KCNH5: variants seen among roughly 807,000 people sequenced by gnomAD.
KCNH5 encodes the protein voltage-gated delayed rectifier potassium channel KCNH5.
A neutral mutation model predicts 96.1 loss-of-function variants in KCNH5; 46 were observed. The ratio of observed to expected loss-of-function variants is 0.48; its 90% CI spans 0.38 to 0.61. The LOEUF is 0.61. Among genes scored for constraint, KCNH5 ranks in the 20% least tolerant of loss-of-function variants. KCNH5 has a pLI of 0.00. For synonymous variants in KCNH5, 439 were observed against 449.8 expected (o/e 0.98, Z 0.30); for missense variants, 907 against 1,225.8 (o/e 0.74, Z 3.88).
At chr14:62,743,160 G>A (rs921873367) in intron 10 of KCNH5, among the ~76,000 whole-genome samples, 3 of 152,166 alleles carry the variant, frequency 2.0e-5, no homozygotes, top group Non-Finnish European at 4.4e-5. Flanking sequence ...AAAGATACAT[G>A]TATAAAGCGA....
intron 8 of KCNH5, among the ~76,000 whole-genome samples, chr14:62,806,887 G>A (rs934091119): frequency 6.6e-6 from 1 of 152,122 alleles, no homozygotes; most frequent in South Asian, 2.1e-4. Context: ...TTTGCTGATG[G>A]CTGTGGGTGA....
Position 62,918,826 on chromosome 14 carries a change from C to T in KCNH5, c.1369+31307G>A, listed in dbSNP as rs183591774. ...CACTATATATCCAATAAAAAAAATGCGTAACCTTTGTGCCAAAAATCTTCT... is the reference window on the plus strand; with the variant it reads ...CACTATATATCCAATAAAAAAAATGTGTAACCTTTGTGCCAAAAATCTTCT... On this transcript the variant is annotated intron_variant, in intron 7 of 10. Transcript: ENST00000322893. Among the ~76,000 whole-genome samples the T allele has an allele frequency of 3.9e-3, 589 of 152,124 alleles. 2 individuals are homozygous for T. Among genetic ancestry groups the T allele is most frequent in the Non-Finnish European group, 6.7e-3 (453 of 67,940 alleles).
chr14:62,945,694 G>A (rs145326776), intron 7 of KCNH5, among the ~76,000 whole-genome samples: 41 of 152,164 alleles, frequency 2.7e-4, no homozygotes, highest in African/African-American at 9.9e-4. Context: ...TAGTAGGGTA[G>A]CACTGGAAGG....
At chr14:62,995,380 T>TA (rs1890888052) in intron 4 of KCNH5, among the ~76,000 whole-genome samples, 1 of 152,098 alleles carries the variant, frequency 6.6e-6, no homozygotes, top group Non-Finnish European at 1.5e-5. Context: ...GCAGAATTTT[T>TA]ATCAATGAAG....
intron 7 of KCNH5, among the ~76,000 whole-genome samples, chr14:62,907,206 G>A (rs565752425): frequency 6.6e-6 from 1 of 152,232 alleles, no homozygotes; most frequent in South Asian, 2.1e-4. Context: ...GAATCTCAGA[G>A]AAACTAGACA....
chr14:62,898,709 A>T (rs1190243134), intron 7 of KCNH5, among the ~76,000 whole-genome samples: 1 of 152,176 alleles, frequency 6.6e-6, no homozygotes, highest in African/African-American at 2.4e-5. Context: ...TAGCAGACAA[A>T]ATGTTCCTTA....
chr14:62,773,595 A>T (rs1251777635), intron 10 of KCNH5, among the ~76,000 whole-genome samples: 1 of 152,334 alleles, frequency 6.6e-6, no homozygotes, highest in East Asian at 1.9e-4. Context: ...CACTTCAACA[A>T]AGTGTCTCAT....
rs561363388 is a variant in KCNH5, at chr14:62,845,623, A to G, written c.1569+4030T>C. Reference sequence around the variant, plus strand: ...GATGGTGATGTGGACCAGGTGATAGAAGGTGAATGAAGGTGGTGAGAATCG... The same window carrying G: ...GATGGTGATGTGGACCAGGTGATAGGAGGTGAATGAAGGTGGTGAGAATCG... On this transcript the variant is annotated intron_variant, in intron 8 of 10. Transcript: ENST00000322893. Among the ~76,000 whole-genome samples, 8 of 152,326 alleles carry G rather than the reference A, an allele frequency of 5.3e-5. No individual in the cohort carries two copies. The South Asian group carries it at 1.7e-3, about 32-fold the overall frequency.
chr14:63,010,771 A>G (rs558760768), intron 2 of KCNH5, among the ~76,000 whole-genome samples: 22 of 152,156 alleles, frequency 1.4e-4, no homozygotes, highest in Non-Finnish European at 2.9e-4. Flanking sequence ...AATCTCACGA[A>G]CAAGCCTCAT....
intron 10 of KCNH5, among the ~76,000 whole-genome samples, chr14:62,733,150 G>A (rs1885086218): frequency 6.6e-6 from 1 of 152,042 alleles, no homozygotes; most frequent in Admixed American, 6.6e-5. Flanking sequence ...TTTCCTGCTG[G>A]GTCCCAGTCT....
At chr14:63,023,999 G>A (rs185775559) in intron 1 of KCNH5, among the ~76,000 whole-genome samples, 1 of 152,142 alleles carries the variant, frequency 6.6e-6, no homozygotes, top group Admixed American at 6.5e-5. Flanking sequence ...CATGAGGTCA[G>A]GCATTCAAGA....
chr14:62,771,581 T>C lies in KCNH5; in HGVS notation c.2019+8147A>G, dbSNP rs941034774. ...CAGAGCTTGCAGTGAGCCGAGATCG[T>C]GCCACTGCACTCCAGCCTGGGTGAC... On this transcript the variant is annotated intron_variant, in intron 10 of 10. Coordinates refer to ENST00000322893, the MANE Select transcript of KCNH5 (RefSeq NM_139318.5). Among the ~76,000 whole-genome samples the C allele has an allele frequency of 3.3e-5, 5 of 152,094 alleles. 1 individual carries two copies. Among genetic ancestry groups the C allele is most frequent in the South Asian group, 4.1e-4 (2 of 4,832 alleles).
chr14:63,036,211 C>T (rs1891718512), intron 1 of KCNH5, among the ~76,000 whole-genome samples: 1 of 152,186 alleles, frequency 6.6e-6, no homozygotes, highest in South Asian at 2.1e-4. Context: ...CAGCTCTTTC[C>T]TTCTGACCTG....
At position 62,768,902 on chromosome 14, in the gene KCNH5, T is replaced by C. The variant is rs17100349; in HGVS notation, c.2019+10826A>G. On this transcript the variant is annotated intron_variant, in intron 10 of 10. Coordinates refer to ENST00000322893, the MANE Select transcript of KCNH5 (RefSeq NM_139318.5). ...ATCTGTGAACCTCTGTCCTGGTGAC[T>C]AAATGTGGAAAAGTTTTTATTCCGT... is the stretch of plus-strand genomic sequence containing the variant. 4.4e-3 allele frequency among the ~76,000 whole-genome samples: 665 copies of C among 152,322 alleles called. 8 individuals carry two copies. The highest frequency in any genetic ancestry group is 0.015 in the African/African-American group (619 of 41,574).
At chr14:63,020,610 A>G (rs1262962362) in intron 1 of KCNH5, among the ~76,000 whole-genome samples, 1 of 152,152 alleles carries the variant, frequency 6.6e-6, no homozygotes, top group Admixed American at 6.6e-5. Context: ...ATATGATGAT[A>G]GGGACCAGAA....
intron 9 of KCNH5, among the ~76,000 whole-genome samples, chr14:62,795,643 T>C (rs1461715939): frequency 6.6e-6 from 1 of 152,174 alleles, no homozygotes; most frequent in Admixed American, 6.6e-5. Flanking sequence ...AAGTAACAGC[T>C]GTACTAGCTA....
chr14:62,839,586 GT>G (rs34820485), intron 8 of KCNH5, among the ~76,000 whole-genome samples: 70,276 of 151,928 alleles, frequency 0.46, 16,814 homozygotes, highest in South Asian at 0.63. Flanking sequence ...GTACCAATAT[GT>G]TCCTGGATCA....
rs568497456 is a variant in KCNH5, at chr14:62,981,831, T to C, written c.550-567A>G. Among the ~76,000 whole-genome samples the C allele has an allele frequency of 2.6e-5, 4 of 152,338 alleles. No homozygotes were observed. In the South Asian group the frequency reaches 8.3e-4, roughly 32 times the overall value. On this transcript the variant is annotated intron_variant, in intron 5 of 10. Coordinates refer to ENST00000322893, the MANE Select transcript of KCNH5 (RefSeq NM_139318.5). ...AGATCTGGACTTAAAGAATATTGTG[T>C]TTCTTGCCCAACTGCAAATTTCCTT...
intron 8 of KCNH5, among the ~76,000 whole-genome samples, chr14:62,818,459 A>T (rs1325898616): frequency 6.6e-6 from 1 of 152,232 alleles, no homozygotes; most frequent in Non-Finnish European, 1.5e-5. Flanking sequence ...AATTAAAATC[A>T]TAATAAAATA....
Sources: allele counts gnomAD v4.1 joint callset (sites outside exome capture counted in the v4.1 genomes callset), GRCh38; gene constraint gnomAD v4.1.1; transcripts MANE v1.5; gene names NCBI Gene and HGNC (gene_info 2026-07-23, HGNC 2026-07-21).